Variants in CPB2 observed in about 807,000 individuals in gnomAD.
CPB2 encodes the protein carboxypeptidase B2.
CPB2 carries 54 observed loss-of-function variants against 57.0 expected under a neutral mutation model. The observed-to-expected ratio is 0.95, with a 90% confidence interval of 0.76 to 1.19. CPB2 has a LOEUF of 1.19. CPB2 is among the 50% of genes most tolerant of loss of function. The pLI is 0.00. For synonymous variants in CPB2, 189 were observed against 178.1 expected, an observed-to-expected ratio of 1.06 and a Z score of -0.49; for missense variants, 426 against 512.0, an observed-to-expected ratio of 0.83 and a Z score of 1.62.
At chr13:46,103,014 A>C (rs1327937201) in intron 1 of CPB2, among the ~76,000 whole-genome samples, 2 of 152,208 alleles carry the variant, frequency 1.3e-5, no homozygotes, top group Non-Finnish European at 1.5e-5. Context: ...AACAAAGCCC[A>C]TGCATGAAGA....
intron 4 of CPB2, among the ~76,000 whole-genome samples, chr13:46,080,901 G>C (rs1489691097): frequency 6.6e-6 from 1 of 151,396 alleles, no homozygotes; most frequent in Non-Finnish European, 1.5e-5. Context: ...GAACCCAAGA[G>C]GCGCAGGTTG....
At chr13:46,069,350 T>C (rs923253068) in intron 6 of CPB2, among the ~76,000 whole-genome samples, 1 of 152,212 alleles carries the variant, frequency 6.6e-6, no homozygotes, top group Admixed American at 6.5e-5. Flanking sequence ...ATAATTTACA[T>C]TCCAGAAATT....
At position 46,070,973 on chromosome 13, in the gene CPB2, T is replaced by C. The variant is rs370596276; in HGVS notation, c.591+2900A>G. On this transcript the variant is annotated intron_variant, in intron 6 of 10. Coordinates refer to ENST00000181383, the MANE Select transcript of CPB2 (RefSeq NM_001872.5). ...AGGTTATGGGGAACAAAAAAATTAC[T>C]TTAGACCTGGTCTCTGCCTTCAGAA... Among the ~76,000 whole-genome samples the C allele has an allele frequency of 1.2e-4, 19 of 152,328 alleles. No homozygotes were observed. The East Asian group carries it at 1.7e-3, about 14-fold the overall frequency.
Position 46,078,128 on chromosome 13 carries a change from C to T in CPB2, c.486+672G>A, listed in dbSNP as rs1382156776. On this transcript the variant is annotated intron_variant, in intron 5 of 10. Coordinates refer to ENST00000181383, the MANE Select transcript of CPB2 (RefSeq NM_001872.5). ...GATATCCCAAATACCCTGATTTACA[C>T]ATTGTATGCATGTATCAAAACATCA... Among the ~76,000 whole-genome samples, 4 of 152,004 alleles carry T rather than the reference C, an allele frequency of 2.6e-5. No individual in the cohort carries two copies. The East Asian group carries it at 7.7e-4, about 29-fold the overall frequency.
intron 8 of CPB2, among the ~76,000 whole-genome samples, chr13:46,059,999 T>C (rs1223673552): frequency 6.6e-6 from 1 of 152,220 alleles, no homozygotes; most frequent in Non-Finnish European, 1.5e-5. Context: ...TTATGTGATA[T>C]ATAATTCTTA....
At chr13:46,053,939 ATGAGTACCCT>A (rs996419688) in intron 10 of CPB2, 141 bp from the exon 11 acceptor site, 1 of 716,076 alleles carries the variant, frequency 1.4e-6, no homozygotes, top group Non-Finnish European at 2.3e-6. Flanking sequence ...CAACTTTACA[ATGAGTACCCT>A]TGTTTATACA....
chr13:46,072,436 TA>T (rs1330322544), intron 6 of CPB2, among the ~76,000 whole-genome samples: 1 of 152,160 alleles, frequency 6.6e-6, no homozygotes, highest in Non-Finnish European at 1.5e-5. Context: ...AATGTCGATT[TA>T]AAAAGCCCTT....
chr13:46,093,814 A>G lies in CPB2; in HGVS notation c.75-5994T>C, dbSNP rs17844175. On this transcript the variant is annotated intron_variant, in intron 1 of 10. Transcript: ENST00000181383. ...TTCTTTTTAAAAGAAAGGTTTCTAT[A>G]GTACCAATAGGAGATACAACATTGA... is the stretch of plus-strand genomic sequence containing the variant. Among the ~76,000 whole-genome samples the G allele has an allele frequency of 6.1e-3, 928 of 152,320 alleles. 16 individuals carry two copies. Among genetic ancestry groups the G allele is most frequent in the African/African-American group, 0.021 (869 of 41,574 alleles).
intron 1 of CPB2, chr13:46,101,083 T>C (rs1268275411): frequency 6.6e-6 from 1 of 150,474 alleles, no homozygotes; most frequent in South Asian, 2.1e-4. Flanking sequence ...TTAGGAGTAT[T>C]TTTTTTTTGT....
chr13:46,087,935 A>T (rs375748203), intron 1 of CPB2, 115 bp from the exon 2 acceptor site: 1 of 646,976 alleles, frequency 1.5e-6, no homozygotes, highest in East Asian at 2.7e-5. Flanking sequence ...TTAAAATGTT[A>T]TTAGGACAGA....
intron 4 of CPB2, 39 bp from the exon 5 acceptor site, chr13:46,078,940 G>C: frequency 7.7e-7 from 1 of 1,301,548 alleles, no homozygotes; most frequent in East Asian, 2.3e-5. Context: ...ACGAAGCCAA[G>C]TTCAAAGCAT....
intron 8 of CPB2, among the ~76,000 whole-genome samples, chr13:46,063,485 G>A (rs1477501499): frequency 2.0e-5 from 3 of 152,188 alleles, no homozygotes; most frequent in Admixed American, 6.5e-5. Context: ...CCATGTTGCT[G>A]TAAAGGACAT....
At chr13:46,098,059 C>T (rs2139424205) in intron 1 of CPB2, among the ~76,000 whole-genome samples, 1 of 152,306 alleles carries the variant, frequency 6.6e-6, no homozygotes, top group East Asian at 1.9e-4. Context: ...GCTGCACTTA[C>T]ATACTGAATG....
chr13:46,058,973 CT>C (rs1414485174), intron 8 of CPB2, among the ~76,000 whole-genome samples: 2 of 152,208 alleles, frequency 1.3e-5, no homozygotes, highest in Admixed American at 6.5e-5. Context: ...ACTTCTCCCC[CT>C]GTCCCTAATT....
chr13:46,088,480 T>C (rs1323230708), intron 1 of CPB2, among the ~76,000 whole-genome samples: 1 of 152,226 alleles, frequency 6.6e-6, no homozygotes, highest in Non-Finnish European at 1.5e-5. Context: ...TCATCTGTGT[T>C]GAAGTAGCTA....
At chr13:46,060,009 A>G (rs1347076233) in intron 8 of CPB2, among the ~76,000 whole-genome samples, 1 of 152,184 alleles carries the variant, frequency 6.6e-6, no homozygotes, top group Admixed American at 6.5e-5. Flanking sequence ...TATAATTCTT[A>G]GAGAATAGAG....
In CPB2 at chr13:46,067,363, C is replaced by T. The variant is rs2139364543; in HGVS notation, c.646G>A (p.Asp216Asn). The T allele has an allele frequency of 6.3e-7, 1 of 1,597,900 alleles. No individual in the cohort carries two copies. Among genetic ancestry groups the T allele is most frequent in the East Asian group, 2.2e-5 (1 of 44,704 alleles). ...GQYTNLLRLV[D>N]FYVMPVVNVD... ...TTAACCACTGGCATAACATAGAAATCCACAAGCCTCAGGAGATTGGTATAT... is the reference window on the plus strand; with the variant it reads ...TTAACCACTGGCATAACATAGAAATTCACAAGCCTCAGGAGATTGGTATAT... Residue 216 changes from aspartate to asparagine, a missense_variant, in exon 7 of 11, where the codon GAT (aspartate) becomes AAT (asparagine). Transcript: ENST00000181383.
chr13:46,082,629 G>A, intron 3 of CPB2, 80 bp from the exon 4 acceptor site: 1 of 808,104 alleles, frequency 1.2e-6, no homozygotes, highest in South Asian at 1.6e-5. Context: ...GGCACAGCAG[G>A]TGAGCATGAA....
intron 8 of CPB2, among the ~76,000 whole-genome samples, chr13:46,058,918 T>C (rs952923197): frequency 6.6e-6 from 1 of 152,222 alleles, no homozygotes; most frequent in African/African-American, 2.4e-5. Flanking sequence ...ATTCCTTTGA[T>C]AGATTATAAT....
Sources: allele counts gnomAD v4.1 joint callset (sites outside exome capture counted in the v4.1 genomes callset), GRCh38; gene constraint gnomAD v4.1.1; transcripts MANE v1.5; gene names NCBI Gene and HGNC (gene_info 2026-07-23, HGNC 2026-07-21).